CEACAM20: variants seen among roughly 807,000 people sequenced by gnomAD.
CEACAM20 encodes cell adhesion molecule CEACAM20.
A neutral mutation model predicts 61.2 loss-of-function variants in CEACAM20; 50 were observed. That is an observed-to-expected ratio of 0.82 (90% confidence interval 0.65 to 1.03). The LOEUF (loss-of-function observed/expected upper bound fraction) is 1.03. Among genes scored for constraint, CEACAM20 ranks in the 50% least tolerant of loss-of-function variants. CEACAM20 has a pLI of 0.00. For missense variants in CEACAM20, 683 were observed against 736.4 expected, an observed-to-expected ratio of 0.93 and a Z score of 0.84; for synonymous variants, 282 against 287.7, an observed-to-expected ratio of 0.98 and a Z score of 0.20.
At chr19:44,526,538 C>T (rs1458141376) in intron 1 of CEACAM20, among the ~76,000 whole-genome samples, 1 of 150,072 alleles carries the variant, frequency 6.7e-6, no homozygotes, top group Non-Finnish European at 1.5e-5. Context: ...AAAATGAGTT[C>T]CCAGTTTTCC....
intron 7 of CEACAM20, 37 bp downstream of exon 7, chr19:44,513,134 TC>T: frequency 5.9e-6 from 9 of 1,515,492 alleles, no homozygotes; most frequent in Non-Finnish European, 8.2e-6. Flanking sequence ...GCTGGCCACA[TC>T]CCCATCCCCA....
Position 44,524,052 on chromosome 19 carries a change from A to G in CEACAM20, c.406T>C (p.Tyr136His). ...AGGGCATCTCGAGCTTCACATTGGT[A>G]AGTCCCTGAGTCCTCCCGCTGGACA... ...LIVQREDSGT[Y>H]QCEARDALLS... The change falls in exon 3 of 12, where the codon TAC becomes CAC. Residue 136 changes from tyrosine (Y) to histidine (H), a missense_variant. Transcript: ENST00000614924. 6.4e-7 allele frequency: 1 copy of G among 1,565,814 alleles called. No individual in the cohort carries two copies. Among genetic ancestry groups the G allele is most frequent in the Non-Finnish European group, 8.7e-7 (1 of 1,154,312 alleles).
At chr19:44,513,474 T>TGCTCTGTCACCCAGACTGGAGTGGA in intron 6 of CEACAM20, among the ~76,000 whole-genome samples, 185 bp from the exon 7 acceptor site, 1 of 149,688 alleles carries the variant, frequency 6.7e-6, no homozygotes, top group African/African-American at 2.5e-5. Flanking sequence ...GACAGGGTCT[T>TGCTCTGTCACCCAGACTGGAGTGGA]GCTCTGTCAC....
intron 3 of CEACAM20, 73 bp downstream of exon 3, chr19:44,523,913 A>G: frequency 6.9e-7 from 1 of 1,449,800 alleles, no homozygotes; most frequent in Non-Finnish European, 9.3e-7. Flanking sequence ...TGGTATTTCA[A>G]GCTGTGAGAC....
intron 6 of CEACAM20, among the ~76,000 whole-genome samples, chr19:44,516,555 T>C (rs1383047844): frequency 6.6e-6 from 1 of 152,226 alleles, no homozygotes; most frequent in Non-Finnish European, 1.5e-5. Flanking sequence ...AGACATGCCT[T>C]TCGCCTTCCA....
In CEACAM20 at chr19:44,525,152, G is replaced by A; in HGVS notation, c.145C>T (p.Leu49=). 6.2e-7 allele frequency: 1 copy of A among 1,610,664 alleles called. No individual in the cohort carries two copies. The highest frequency in any genetic ancestry group is 1.3e-5 in the African/African-American group (1 of 74,792). ...GTCCTGGGGGTCCCAAACACAGGCA[G>A]AACAACATCCTCACTTTGGGTGGCA... ...LDATQSEDVV[L]PVFGTPRTPQ... is the part of the protein sequence containing the mutation. The change falls in exon 2 of 12, where the codon CTG becomes TTG. Residue 49 remains leucine (L), a synonymous_variant. Transcript: ENST00000614924.
Position 44,517,143 on chromosome 19 carries a change from A to C in CEACAM20, c.1112T>G (p.Leu371Arg), listed in dbSNP as rs751585195. 1.0e-4 allele frequency: 169 copies of C among 1,613,582 alleles called. No homozygotes were observed. Among genetic ancestry groups the C allele is most frequent in the Non-Finnish European group, 1.3e-4 (156 of 1,179,882 alleles). The change falls in exon 6 of 12, where the codon CTG (leucine) becomes CGG (arginine). Residue 371 changes from leucine (L) to arginine (R), a missense_variant. Leu to Arg is a moderately radical substitution (Grantham distance 102). Coordinates refer to ENST00000614924, the MANE Select transcript of CEACAM20 (RefSeq NM_001102597.3). ...GGACTCGGCCCAACACTGCAGGGTC[A>C]GGCTGGAGTTGAGCTCTGCCTCTAT... The part of the protein sequence containing the change: ...STIEAELNSS[L>R]TLQCWAESKP...
chr19:44,522,264 T>C (rs1971388403), intron 4 of CEACAM20, among the ~76,000 whole-genome samples: 1 of 151,944 alleles, frequency 6.6e-6, no homozygotes, highest in Admixed American at 6.6e-5. Context: ...CCACCACACC[T>C]GGCTAATTTT....
chr19:44,510,866 C>A, intron 11 of CEACAM20, 164 bp downstream of exon 11: 2 of 769,510 alleles, frequency 2.6e-6, no homozygotes, highest in South Asian at 1.9e-5. Context: ...GAAGTAAAAC[C>A]AACTAGAAAA....
chr19:44,510,601 AAAGAAAGAAAAAGGAAGGAAGG>A (rs1163155702), intron 11 of CEACAM20, among the ~76,000 whole-genome samples: 8,640 of 73,900 alleles, frequency 0.12, 499 homozygotes, highest in East Asian at 0.17. Context: ...AGAAAGAAAG[AAAGAAAGAAAAAGGAAGGAAGG>A]AAGAAAGAAA....
At chr19:44,510,620 A>C (rs1970966003) in intron 11 of CEACAM20, among the ~76,000 whole-genome samples, 1 of 89,898 alleles carries the variant, frequency 1.1e-5, no homozygotes, top group African/African-American at 4.7e-5. Context: ...AAAAGGAAGG[A>C]AGGAAGAAAG....
intron 11 of CEACAM20, among the ~76,000 whole-genome samples, chr19:44,510,018 G>A (rs376189936): frequency 2.0e-5 from 3 of 152,064 alleles, no homozygotes; most frequent in East Asian, 3.9e-4. Context: ...AAATAAAGTC[G>A]TGGGATGGGA....
At chr19:44,506,272 T>C in intron 11 of CEACAM20, 58 bp from the exon 12 acceptor site, 1 of 1,480,526 alleles carries the variant, frequency 6.8e-7, no homozygotes, top group Non-Finnish European at 9.4e-7. Context: ...CCCAGTCTAC[T>C]CACTGTAGTC....
At chr19:44,518,501 G>A (rs908480797) in intron 5 of CEACAM20, among the ~76,000 whole-genome samples, 1 of 152,064 alleles carries the variant, frequency 6.6e-6, no homozygotes, top group Non-Finnish European at 1.5e-5. Flanking sequence ...CACTTTGGGA[G>A]GCTGAGGCAG....
rs751798231 is a variant in CEACAM20 at position 44,513,249 on chromosome 19, A to G, written c.1350T>C (p.Gly450=). The G allele has an allele frequency of 1.2e-6, 2 of 1,613,798 alleles. No homozygotes were observed. Among genetic ancestry groups the G allele is most frequent in the East Asian group, 2.2e-5 (1 of 44,842 alleles). ...TGACAGCCAGGATCCCGATGACAAT[A>G]CCAGCGATGGCCCCTGAGGACAGGG... ...SSSLSSGAIA[G]IVIGILAVIA... The change falls in exon 7 of 12, where the codon GGT becomes GGC. Residue 450 remains glycine (G), a synonymous_variant. Coordinates refer to ENST00000614924, the MANE Select transcript of CEACAM20 (RefSeq NM_001102597.3).
In CEACAM20 at chr19:44,518,103, A is replaced by AAAGG. The variant is rs761841554; in HGVS notation, c.1031-883_1031-880dup. On this transcript the variant is annotated intron_variant, in intron 5 of 11. Transcript: ENST00000614924. ...AGAGGAAAGAAAGAAAGAAAGAAAGAAAGGAAGGAAGGAAGGAAGGAAGGA... is the reference window on the plus strand; with the variant it reads ...AGAGGAAAGAAAGAAAGAAAGAAAGAAAGGAAGGAAGGAAGGAAGGAAGGAAGGA... Among the ~76,000 whole-genome samples, 32 of 42,880 alleles carry AAAGG rather than the reference A, an allele frequency of 7.5e-4. 1 individual carries two copies. Among genetic ancestry groups the AAAGG allele is most frequent in the South Asian group, 4.0e-3 (4 of 1,012 alleles). The allele number at this position is 42,880 out of a possible 152,430, so 28.1% of individuals were successfully genotyped here. A position where few individuals can be genotyped will look rare whatever the true frequency, so the allele number is the denominator to read the frequency against.
At chr19:44,510,340 C>T (rs572253031) in intron 11 of CEACAM20, among the ~76,000 whole-genome samples, 7 of 151,622 alleles carry the variant, frequency 4.6e-5, no homozygotes, top group African/African-American at 1.7e-4. Context: ...GGTGAAATCC[C>T]GTCTCTACCA....
chr19:44,524,100 C>T lies in CEACAM20; in HGVS notation c.358G>A (p.Gly120Ser), dbSNP rs1259500524. 4 of 1,603,550 alleles carry T rather than the reference C, an allele frequency of 2.5e-6. No homozygotes were observed. The African/African-American group carries it at 5.3e-5, about 21-fold the overall frequency. Reference protein sequence around the residue: ...FHERMQLSKDGKILTILIVQR... With the variant: ...FHERMQLSKDSKILTILIVQR... ...ACAATGAGAATGGTGAGGATCTTGC[C>T]ATCCTTGGACAGCTGCATGCGCTCA... The change falls in exon 3 of 12, where the codon GGC (glycine) becomes AGC (serine). Residue 120 changes from glycine to serine, a missense_variant. Coordinates refer to ENST00000614924, the MANE Select transcript of CEACAM20 (RefSeq NM_001102597.3).
At chr19:44,519,636 A>G (rs182725826) in intron 5 of CEACAM20, among the ~76,000 whole-genome samples, 369 of 152,298 alleles carry the variant, frequency 2.4e-3, no homozygotes, top group African/African-American at 8.6e-3. Context: ...ACCTAATATC[A>G]GTCAGCAGCA....
Sources: gnomAD v4.1 joint callset for allele counts (sites outside exome capture counted in the v4.1 genomes callset) on GRCh38, gnomAD v4.1.1 for gene constraint, MANE v1.5 for transcripts, NCBI Gene and HGNC (gene_info 2026-07-23, HGNC 2026-07-21) for gene names.